PPARGC1B: variants seen among roughly 807,000 people sequenced by gnomAD.
PPARGC1B encodes the protein PPARG coactivator 1 beta.
PPARGC1B carries 34 observed loss-of-function variants against 101.6 expected under a neutral mutation model. The observed-to-expected ratio is 0.33, with a 90% CI of 0.25 to 0.45. The LOEUF (loss-of-function observed/expected upper bound fraction) is 0.45. Among genes scored for constraint, PPARGC1B ranks in the 20% least tolerant of loss-of-function variants. The pLI is 1.00. For synonymous variants in PPARGC1B, 548 were observed against 539.3 expected (o/e 1.02, Z -0.22); for missense variants, 1,234 against 1,317.6 (o/e 0.94, Z 0.98).
chr5:149,811,737 A>G (rs1007882319), intron 1 of PPARGC1B, among the ~76,000 whole-genome samples: 5 of 152,222 alleles, frequency 3.3e-5, no homozygotes, highest in Non-Finnish European at 7.3e-5. Context: ...AGTAGCAGAA[A>G]ACTCCCTCCA....
chr5:149,777,740 A>G (rs1018122678), intron 1 of PPARGC1B, among the ~76,000 whole-genome samples: 1 of 151,186 alleles, frequency 6.6e-6, no homozygotes, highest in Non-Finnish European at 1.5e-5. Context: ...CTAGCTTCCC[A>G]AGATGGGGAC....
intron 3 of PPARGC1B, among the ~76,000 whole-genome samples, chr5:149,828,715 T>G (rs1228832507): frequency 6.6e-6 from 1 of 152,148 alleles, no homozygotes; most frequent in Non-Finnish European, 1.5e-5. Context: ...GAAACAGACT[T>G]GCTGTCTAGA....
chr5:149,812,185 G>A (rs550785695), intron 1 of PPARGC1B, among the ~76,000 whole-genome samples: 1 of 152,328 alleles, frequency 6.6e-6, no homozygotes, highest in South Asian at 2.1e-4. Context: ...TTTGGTGGGA[G>A]GCCCTTCCAA....
At position 149,842,338 on chromosome 5, in the gene PPARGC1B, G is replaced by A. The variant is rs146447699; in HGVS notation, c.2777G>A (p.Gly926Asp). 1.9e-5 allele frequency: 30 copies of A among 1,614,176 alleles called. No individual in the cohort carries two copies. Among genetic ancestry groups the A allele is most frequent in the Non-Finnish European group, 2.5e-5 (29 of 1,180,030 alleles). ...RELKRRFEVF[G>D]EIEECEVLTR... Reference sequence around the variant, plus strand: ...CTGAAGAGGCGCTTTGAAGTGTTTGGTGAGATTGAGGAGTGCGAGGTGCTG... The same window carrying A: ...CTGAAGAGGCGCTTTGAAGTGTTTGATGAGATTGAGGAGTGCGAGGTGCTG... Residue 926 changes from glycine (G) to aspartate (D), a missense_variant, in exon 10 of 12, where the codon GGT (glycine) becomes GAT (aspartate). Gly to Asp is a moderately conservative substitution (Grantham distance 94). Transcript: ENST00000309241.
intron 1 of PPARGC1B, among the ~76,000 whole-genome samples, chr5:149,757,814 G>A (rs1293188677): frequency 1.3e-5 from 2 of 152,218 alleles, no homozygotes; most frequent in Non-Finnish European, 2.9e-5. Flanking sequence ...CTAGCTCATG[G>A]GGCTAAGCTG....
intron 6 of PPARGC1B, 77 bp from the exon 7 acceptor site, chr5:149,835,224 G>A (rs1228285756): frequency 1.1e-5 from 15 of 1,344,570 alleles, no homozygotes; most frequent in East Asian, 6.9e-5. Context: ...CACTCCCTGC[G>A]ACCCTTTCAT....
intron 2 of PPARGC1B, among the ~76,000 whole-genome samples, chr5:149,825,797 G>A (rs1045778968): frequency 2.6e-5 from 4 of 152,200 alleles, no homozygotes; most frequent in Non-Finnish European, 5.9e-5. Context: ...GGAGCAAAGA[G>A]TGCAGGGGGC....
At chr5:149,856,720 G>T (rs1198802692), downstream of PPARGC1B, among the ~76,000 whole-genome samples, 3 of 151,214 alleles carry the variant, frequency 2.0e-5, no homozygotes, top group Non-Finnish European at 4.4e-5. Context: ...TATGGTACAA[G>T]GAAAATGCTT....
chr5:149,834,987 G>C (rs758568942), intron 6 of PPARGC1B, among the ~76,000 whole-genome samples: 49 of 152,260 alleles, frequency 3.2e-4, no homozygotes, highest in Non-Finnish European at 6.2e-4. Flanking sequence ...ACAGTGCCCT[G>C]TGGCTTTCAG....
chr5:149,833,490 G>C lies in PPARGC1B; in HGVS notation c.1417G>C (p.Val473Leu), dbSNP rs142359633. The C allele has an allele frequency of 7.2e-5, 112 of 1,565,090 alleles. No homozygotes were observed. In the African/African-American group the frequency reaches 1.3e-3, roughly 18 times the overall value. The change falls in exon 5 of 12, where the codon GTG (valine) becomes CTG (leucine). Residue 473 changes from valine (V) to leucine (L), a missense_variant. Around this residue, in one of 3 missense-constraint regions of PPARGC1B, gnomAD observed 734 missense variants for 768.4 expected, o/e 0.96. Coordinates refer to ENST00000309241, the MANE Select transcript of PPARGC1B (RefSeq NM_133263.4). This position sits in a 1 kb window ranked among gnomAD's most constrained non-coding sequence, Gnocchi z 4.1. ...GCTGGGGAGGAAGCTGGAGAGCTCT[G>C]TGTGCCCCGTGCGGCGTTCTCGGAG... is the stretch of plus-strand genomic sequence containing the variant. ...TKLGRKLESS[V>L]CPVRRSRRLN...
intron 1 of PPARGC1B, among the ~76,000 whole-genome samples, chr5:149,779,753 G>A (rs1756526207): frequency 6.6e-6 from 1 of 152,196 alleles, no homozygotes; most frequent in Admixed American, 6.5e-5. Flanking sequence ...GTGCTGGGGA[G>A]GAAGATGTGA....
At chr5:149,782,534 C>T (rs535206619) in intron 1 of PPARGC1B, among the ~76,000 whole-genome samples, 1 of 152,298 alleles carries the variant, frequency 6.6e-6, no homozygotes, top group East Asian at 1.9e-4. Context: ...GACAGATCCC[C>T]AGATTTCTAG....
chr5:149,815,710 C>A (rs907049558), intron 1 of PPARGC1B, among the ~76,000 whole-genome samples: 1 of 152,182 alleles, frequency 6.6e-6, no homozygotes, highest in Non-Finnish European at 1.5e-5. Context: ...CCATACCTAG[C>A]TCATTTTTGT....
intron 1 of PPARGC1B, among the ~76,000 whole-genome samples, chr5:149,814,283 T>C (rs34892941): frequency 5.2e-4 from 79 of 152,364 alleles, no homozygotes; most frequent in Non-Finnish European, 1.0e-3. Flanking sequence ...ACAGTCCTTC[T>C]TTCTGCACTT....
chr5:149,782,805 A>G (rs947758966), intron 1 of PPARGC1B, among the ~76,000 whole-genome samples: 2 of 152,198 alleles, frequency 1.3e-5, no homozygotes, highest in Non-Finnish European at 2.9e-5. Flanking sequence ...GGTCCTGCAC[A>G]TTAGCAGGTT....
chr5:149,856,619 A>C (rs1561659615), downstream of PPARGC1B, among the ~76,000 whole-genome samples: 1 of 152,204 alleles, frequency 6.6e-6, no homozygotes, highest in Admixed American at 6.5e-5. Context: ...GGTTTTCCCA[A>C]ATATGAAACA....
intron 1 of PPARGC1B, among the ~76,000 whole-genome samples, chr5:149,738,634 A>C (rs1754809200): frequency 6.7e-6 from 1 of 149,064 alleles, no homozygotes; most frequent in African/African-American, 2.5e-5. Flanking sequence ...ATGGCGTCTC[A>C]CTCTGTCGCC....
chr5:149,751,709 GA>G (rs571988950), intron 1 of PPARGC1B, among the ~76,000 whole-genome samples: 3,854 of 107,748 alleles, frequency 0.036, 131 homozygotes, highest in African/African-American at 0.11. Context: ...CTGTCCAAAA[GA>G]AAAAAAAAAA....
rs1338848815 is a variant in PPARGC1B at position 149,834,665 on chromosome 5, T to C, written c.1706-9T>C. 6.2e-7 allele frequency: 1 copy of C among 1,613,224 alleles called. No homozygotes were observed. The highest frequency in any genetic ancestry group is 1.1e-5 in the South Asian group (1 of 91,024). ...TGGGGAATCTTATTTTTCTGTGTCT[T>C]CTTTTCAGACTCTCCCAGGTGCCTC... On this transcript the variant is annotated splice_polypyrimidine_tract_variant and intron_variant, in intron 5 of 11. Transcript: ENST00000309241.
Sources: gnomAD v4.1 joint callset for allele counts (sites outside exome capture counted in the v4.1 genomes callset) on GRCh38, gnomAD v4.1.1 for gene constraint, gnomAD v4.1.1 regional missense constraint, Gnocchi (gnomAD v3.1) non-coding constraint, MANE v1.5 for transcripts, NCBI Gene and HGNC (gene_info 2026-07-23, HGNC 2026-07-21) for gene names.